The following STOX1 variants were observed in gnomAD, a reference collection of about 807,000 sequenced individuals.
STOX1 encodes the protein storkhead box 1.
In STOX1, 57 loss-of-function variants were observed where a neutral mutation model predicts 74.8. The observed-to-expected ratio is 0.76, with a 90% confidence interval of 0.62 to 0.95. The LOEUF (loss-of-function observed/expected upper bound fraction) is 0.95. Among genes scored for constraint, STOX1 ranks in the 40% least tolerant of loss-of-function variants. The probability of loss-of-function intolerance (pLI) is 0.00; values close to 1 mark genes in which losing one functional copy is unlikely to be tolerated. For synonymous variants in STOX1, 375 were observed against 401.3 expected, an observed-to-expected ratio of 0.93 and a Z score of 0.78; for missense variants, 1,010 against 1,117.0, an observed-to-expected ratio of 0.90 and a Z score of 1.37.
At chr10:68,845,674 T>C (rs1307238697) in intron 1 of STOX1, among the ~76,000 whole-genome samples, 1 of 151,814 alleles carries the variant, frequency 6.6e-6, no homozygotes, top group Non-Finnish European at 1.5e-5. Flanking sequence ...AGATCTTGGC[T>C]CAATGCAACC....
chr10:68,853,765 A>G (rs898192176), intron 1 of STOX1, among the ~76,000 whole-genome samples: 2 of 151,440 alleles, frequency 1.3e-5, no homozygotes, highest in African/African-American at 4.9e-5. Context: ...GGCTCACTGC[A>G]ACCTCCGCCT....
chr10:68,858,702 A>G (rs372655037), intron 1 of STOX1, among the ~76,000 whole-genome samples: 18 of 152,084 alleles, frequency 1.2e-4, no homozygotes, highest in African/African-American at 4.3e-4. Context: ...AGGGTGGGCA[A>G]TGGGGTAGAG....
Position 68,827,672 on chromosome 10 carries a change from T to C in STOX1, c.49T>C (p.Cys17Arg), listed in dbSNP as rs1208659650. ...GCCGGGCTCGCTGGCGCTAGTGCTG[T>C]GCCGGCTGGAGGCGCAGAAGGCGGC... The part of the protein sequence containing the change: ...LAPGSLALVL[C>R]RLEAQKAAGA... Residue 17 changes from cysteine (C) to arginine (R), a missense_variant, in exon 1 of 4, where the codon TGC becomes CGC. By Grantham distance (180) the Cys-to-Arg change is radical. Coordinates refer to ENST00000298596, the MANE Select transcript of STOX1 (RefSeq NM_152709.5). The C allele has an allele frequency of 2.7e-6, 3 of 1,129,224 alleles. No homozygotes were observed. The highest frequency in any genetic ancestry group is 3.3e-6 in the Non-Finnish European group (3 of 922,348). The allele number at this position is 1,129,224 out of a possible 1,614,324, so 70.0% of individuals were successfully genotyped here. A position where few individuals can be genotyped will look rare whatever the true frequency, so the allele number is the denominator to read the frequency against.
At position 68,874,379 on chromosome 10, in the gene STOX1, A is replaced by G. The variant is rs1054093190; in HGVS notation, c.311-7579A>G. On this transcript the variant is annotated intron_variant, in intron 1 of 3. Coordinates refer to ENST00000298596, the MANE Select transcript of STOX1 (RefSeq NM_152709.5). ...TTGGAGGGAGTCATACCCCTGAGCCAGTTACTGACCCCAGACTTTTAAACA... is the reference window on the plus strand; with the variant it reads ...TTGGAGGGAGTCATACCCCTGAGCCGGTTACTGACCCCAGACTTTTAAACA... Among the ~76,000 whole-genome samples, 43 of 152,166 alleles carry G rather than the reference A, an allele frequency of 2.8e-4. 1 individual carries two copies. The highest frequency in any genetic ancestry group is 5.9e-4 in the Non-Finnish European group (40 of 68,010).
At chr10:68,877,513 CCT>C (rs1450811384) in intron 1 of STOX1, among the ~76,000 whole-genome samples, 5 of 152,114 alleles carry the variant, frequency 3.3e-5, no homozygotes, top group African/African-American at 1.2e-4. Flanking sequence ...GCCCTTTGCA[CCT>C]CTCTCCCAGC....
chr10:68,877,805 G>A (rs540368293), intron 1 of STOX1, among the ~76,000 whole-genome samples: 1 of 152,182 alleles, frequency 6.6e-6, no homozygotes, highest in African/African-American at 2.4e-5. Context: ...GCTCAAATGG[G>A]TATTATGTGG....
intron 1 of STOX1, among the ~76,000 whole-genome samples, chr10:68,878,242 A>ACTTTAATTTCACATTTTGT (rs1840727115): frequency 6.6e-6 from 1 of 152,182 alleles, no homozygotes; most frequent in Non-Finnish European, 1.5e-5. Context: ...TTAAAATTGT[A>ACTTTAATTTCACATTTTGT]CTTTAATTTC....
chr10:68,875,918 G>C (rs1164033147), intron 1 of STOX1, among the ~76,000 whole-genome samples: 1 of 152,154 alleles, frequency 6.6e-6, no homozygotes, highest in East Asian at 1.9e-4. Context: ...AAAAGCTTTT[G>C]ATAGTGAAGA....
chr10:68,892,264 A>G (rs1841116492), intron 3 of STOX1, among the ~76,000 whole-genome samples: 1 of 152,048 alleles, frequency 6.6e-6, no homozygotes. Context: ...TTTCACAGGA[A>G]GATATTGGCC....
downstream of STOX1, chr10:68,895,377 C>G (rs1054320073): frequency 6.6e-6 from 1 of 152,130 alleles, no homozygotes; most frequent in Non-Finnish European, 1.5e-5. Flanking sequence ...AAAATTTTCT[C>G]CTATGAAACT....
chr10:68,892,954 T>C lies in STOX1; in HGVS notation c.*218T>C. ...TATTTTACTGTGAGTTTATTGGGAG[T>C]ATATAGATTATTTTCGATTAAAAAG... is the stretch of plus-strand genomic sequence containing the variant. On this transcript the variant is annotated 3_prime_UTR_variant, in exon 4 of 4. Coordinates refer to ENST00000298596, the MANE Select transcript of STOX1 (RefSeq NM_152709.5). 1 of 464,932 alleles carries C rather than the reference T, an allele frequency of 2.2e-6. No individual in the cohort carries two copies. The highest frequency in any genetic ancestry group is 3.8e-6 in the Non-Finnish European group (1 of 265,834). The allele number at this position is 464,932 out of a possible 1,614,324, so 28.8% of individuals were successfully genotyped here.
At chr10:68,893,738 A>G (rs1181931970), downstream of STOX1, among the ~76,000 whole-genome samples, 2 of 152,210 alleles carry the variant, frequency 1.3e-5, no homozygotes, top group South Asian at 2.1e-4. Context: ...TATAGATGGC[A>G]GTGAGAAGTC....
At chr10:68,881,927 C>T in intron 1 of STOX1, 31 bp from the exon 2 acceptor site, 1 of 1,613,300 alleles carries the variant, frequency 6.2e-7, no homozygotes, top group Non-Finnish European at 8.5e-7. Context: ...TTATCAACCC[C>T]CTCCCCCTTT....
intron 1 of STOX1, chr10:68,829,091 C>A: frequency 1.5e-6 from 1 of 670,938 alleles, no homozygotes; most frequent in Non-Finnish European, 1.8e-6. Context: ...CCAGTTGTTC[C>A]GCGCTTAATT....
At chr10:68,840,433 T>G (rs1204688291) in intron 1 of STOX1, among the ~76,000 whole-genome samples, 1 of 152,140 alleles carries the variant, frequency 6.6e-6, no homozygotes, top group South Asian at 2.1e-4. Flanking sequence ...TTTTGTGGGG[T>G]TTTTTTGGTA....
intron 1 of STOX1, among the ~76,000 whole-genome samples, chr10:68,828,423 G>T (rs1191071047): frequency 1.3e-5 from 2 of 152,124 alleles, no homozygotes; most frequent in East Asian, 1.9e-4. Flanking sequence ...GGTCCGGGGG[G>T]CCAAGACGCC....
Position 68,885,370 on chromosome 10 carries a change from GACC to G in STOX1, c.1576_1578del (p.Pro526del), listed in dbSNP as rs754071997. 16 of 1,614,018 alleles carry G rather than the reference GACC, an allele frequency of 9.9e-6. No individual in the cohort carries two copies. Among genetic ancestry groups the G allele is most frequent in the Non-Finnish European group, 1.4e-5 (16 of 1,180,034 alleles). On this transcript the variant is annotated inframe_deletion, in exon 3 of 4. Transcript: ENST00000298596. ...AGTGATCTGAAACCCAGCCAGACTG[GACC>G]AAAGGAAAAGCCTTTCCAAAAGCCT...
intron 1 of STOX1, among the ~76,000 whole-genome samples, chr10:68,838,636 C>A (rs1435026828): frequency 6.6e-6 from 1 of 151,950 alleles, no homozygotes; most frequent in Non-Finnish European, 1.5e-5. Context: ...AAGAGCCGGG[C>A]GCGGTGGCTC....
intron 1 of STOX1, among the ~76,000 whole-genome samples, chr10:68,860,137 G>C (rs752474356): frequency 1.3e-5 from 2 of 151,478 alleles, no homozygotes; most frequent in African/African-American, 4.9e-5. Context: ...GCATGGTGGC[G>C]GGTGCTTGTA....
Sources: allele counts gnomAD v4.1 joint callset (sites outside exome capture counted in the v4.1 genomes callset), GRCh38; gene constraint gnomAD v4.1.1; transcripts MANE v1.5; gene names NCBI Gene and HGNC (gene_info 2026-07-23, HGNC 2026-07-21).